Variants in ABI3BP observed in about 807,000 individuals in gnomAD.
ABI3BP encodes target of Nesh-SH3.
In ABI3BP, 216 loss-of-function variants were observed where a neutral mutation model predicts 268.6. The observed-to-expected ratio is 0.80, with a 90% CI of 0.72 to 0.90. ABI3BP has a LOEUF of 0.90. ABI3BP is among the 40% of genes least tolerant of loss of function. The pLI, the probability that ABI3BP is intolerant of heterozygous loss-of-function variation, is 0.00. For missense variants in ABI3BP, 2,090 were observed against 2,182.4 expected, an observed-to-expected ratio of 0.96 and a Z score of 0.84; for synonymous variants, 730 against 730.0, an observed-to-expected ratio of 1.00 and a Z score of 0.00.
At position 100,851,809 on chromosome 3, in the gene ABI3BP, AAAGG is replaced by A. The variant is rs2098842368; in HGVS notation, c.1351+62_1351+65del. ...TACAATTTTCCACTCTGCAAAAACT[AAAGG>A]AAGAACCACCAAGTGTTGGAACACC... On this transcript the variant is annotated intron_variant, in intron 15 of 67. Transcript: ENST00000471714. 6 of 1,382,070 alleles carry A rather than the reference AAAGG, an allele frequency of 4.3e-6. No individual in the cohort carries two copies. In the East Asian group the frequency reaches 7.3e-5, roughly 17 times the overall value. The allele number at this position is 1,382,070 out of a possible 1,614,324, so 85.6% of individuals were successfully genotyped here. A position where few individuals can be genotyped will look rare whatever the true frequency, so the allele number is the denominator to read the frequency against.
chr3:100,847,511 A>C, intron 19 of ABI3BP, 91 bp downstream of exon 19: 1 of 1,097,000 alleles, frequency 9.1e-7, no homozygotes, highest in Non-Finnish European at 1.4e-6. Flanking sequence ...TGAGTATCTT[A>C]ACAGGTAACA....
chr3:100,935,960 A>C (rs1318857788), intron 1 of ABI3BP, among the ~76,000 whole-genome samples: 1 of 151,926 alleles, frequency 6.6e-6, no homozygotes, highest in East Asian at 1.9e-4. Flanking sequence ...GTACTTGAGT[A>C]CCCTTTATTT....
chr3:100,886,241 C>A lies in ABI3BP; in HGVS notation c.544G>T (p.Glu182Ter). 1.9e-6 allele frequency: 3 copies of A among 1,611,202 alleles called. No individual in the cohort carries two copies. The highest frequency in any genetic ancestry group is 1.7e-6 in the Non-Finnish European group (2 of 1,178,366). The part of the protein sequence containing the change: ...QICPATETIV[E>*]NLKPNTVYEF... ...TAAACTGTGTTGGGCTTTAGGTTTT[C>A]CACAATTGTTTCAGTGGCTGGACAG... Residue 182 changes from glutamate to a stop codon, truncating the protein, a stop_gained, in exon 5 of 68, where the codon GAA becomes TAA. Transcript: ENST00000471714. LOFTEE classifies it high-confidence loss of function.
At chr3:100,972,636 T>C (rs1306291905) in intron 1 of ABI3BP, among the ~76,000 whole-genome samples, 1 of 152,228 alleles carries the variant, frequency 6.6e-6, no homozygotes, top group Non-Finnish European at 1.5e-5. Context: ...AGTACTGAGA[T>C]TGATTCATTT....
At chr3:100,835,217 C>G (rs1195501374) in intron 28 of ABI3BP, among the ~76,000 whole-genome samples, 1 of 152,146 alleles carries the variant, frequency 6.6e-6, no homozygotes, top group Non-Finnish European at 1.5e-5. Flanking sequence ...TAAAAATTCT[C>G]TGTATATCTT....
At chr3:100,824,318 C>A (rs1339061125) in intron 36 of ABI3BP, among the ~76,000 whole-genome samples, 1 of 152,182 alleles carries the variant, frequency 6.6e-6, no homozygotes, top group Non-Finnish European at 1.5e-5. Context: ...ATTCTTCCCT[C>A]CATTCATCCA....
In ABI3BP at chr3:100,816,776, A is replaced by G. The variant is rs1157418401; in HGVS notation, c.3149-8T>C. 5.2e-6 allele frequency: 8 copies of G among 1,535,614 alleles called. No individual in the cohort carries two copies. The Admixed American group carries it at 1.6e-4, about 30-fold the overall frequency. ...TCCGTTGTGTTTTAGGAGCTGAAGG[A>G]AGAAACTTTGGATTACTCTAGTGCA... On this transcript the variant is annotated splice_region_variant and splice_polypyrimidine_tract_variant and intron_variant, in intron 42 of 67. Coordinates refer to ENST00000471714, the MANE Select transcript of ABI3BP (RefSeq NM_001375547.2).
At position 100,813,627 on chromosome 3, in the gene ABI3BP, C is replaced by G. The variant is rs1184328768; in HGVS notation, c.3364+34G>C. 3 of 1,484,624 alleles carry G rather than the reference C, an allele frequency of 2.0e-6. No individual in the cohort carries two copies. In the African/African-American group the frequency reaches 4.2e-5, roughly 21 times the overall value. 92.0% of individuals were successfully genotyped at this position (1,484,624 alleles called of 1,614,324 possible). On this transcript the variant is annotated intron_variant, in intron 45 of 67. Coordinates refer to ENST00000471714, the MANE Select transcript of ABI3BP (RefSeq NM_001375547.2). ...ATTACAGTATGCCTCTTAAAGCACA[C>G]AGTATACCCAGACAGATAAAACAAT...
intron 2 of ABI3BP, among the ~76,000 whole-genome samples, chr3:100,907,220 C>T (rs1182366474): frequency 6.6e-6 from 1 of 152,154 alleles, no homozygotes; most frequent in African/African-American, 2.4e-5. Flanking sequence ...AAAGGCCAGG[C>T]ATGGTGGCTC....
At chr3:100,895,475 G>A (rs887269592) in intron 4 of ABI3BP, among the ~76,000 whole-genome samples, 1 of 152,144 alleles carries the variant, frequency 6.6e-6, no homozygotes, top group African/African-American at 2.4e-5. Flanking sequence ...AAAGTCCATA[G>A]TCAAAATATA....
At chr3:100,753,589 T>C (rs2095457429) in intron 65 of ABI3BP, among the ~76,000 whole-genome samples, 1 of 152,108 alleles carries the variant, frequency 6.6e-6, no homozygotes, top group South Asian at 2.1e-4. Context: ...TATTAAACAG[T>C]AATAAGCCTG....
rs554117625 is a variant in ABI3BP, at chr3:100,992,103, GA to G, written c.79+1202del. Among the ~76,000 whole-genome samples, 327 of 152,238 alleles carry G rather than the reference GA, an allele frequency of 2.1e-3. 1 individual carries two copies. Among genetic ancestry groups the G allele is most frequent in the African/African-American group, 7.4e-3 (308 of 41,552 alleles). On this transcript the variant is annotated intron_variant, in intron 1 of 67. Coordinates refer to ENST00000471714, the MANE Select transcript of ABI3BP (RefSeq NM_001375547.2). The stretch of plus-strand genomic sequence containing the variant: ...TGATCAAGGAGCAAAACTCTTGGTA[GA>G]AAAAGATCTAAGAGTGCTTGTTTTT...
At position 100,825,863 on chromosome 3, in the gene ABI3BP, CAA is replaced by C; in HGVS notation, c.2603-21_2603-20del. 1 of 1,516,206 alleles carries C rather than the reference CAA, an allele frequency of 6.6e-7. No homozygotes were observed. The highest frequency in any genetic ancestry group is 8.9e-7 in the Non-Finnish European group (1 of 1,129,024). 93.9% of individuals were successfully genotyped at this position (1,516,206 alleles called of 1,614,324 possible). On this transcript the variant is annotated intron_variant, in intron 34 of 67. Transcript: ENST00000471714. ...ACAGGAACTGAAGTAATAAGATAAA[CAA>C]AAGAGATGGTAAAAAATGTGTGGGA...
chr3:100,986,614 C>T (rs1416088613), intron 1 of ABI3BP, among the ~76,000 whole-genome samples: 1 of 152,026 alleles, frequency 6.6e-6, no homozygotes. Context: ...TTACAGGTAC[C>T]TGTCATTACA....
chr3:100,827,545 A>G (rs2098410684), intron 34 of ABI3BP, among the ~76,000 whole-genome samples: 1 of 152,148 alleles, frequency 6.6e-6, no homozygotes, highest in African/African-American at 2.4e-5. Flanking sequence ...GTTATTTTAA[A>G]TCTTATGCTT....
At chr3:100,846,129 G>A (rs908937631) in intron 20 of ABI3BP, among the ~76,000 whole-genome samples, 17 of 152,212 alleles carry the variant, frequency 1.1e-4, no homozygotes, top group South Asian at 4.1e-4. Context: ...AAGGGAGTTC[G>A]CAATCATTCA....
Position 100,874,869 on chromosome 3 carries a change from C to T in ABI3BP, c.882G>A (p.Glu294=), listed in dbSNP as rs373454769. The T allele has an allele frequency of 5.6e-6, 9 of 1,598,998 alleles. No homozygotes were observed. The East Asian group carries it at 9.0e-5, about 16-fold the overall frequency. Residue 294 remains glutamate (E), a synonymous_variant, in exon 9 of 68, where the codon GAG becomes GAA. Transcript: ENST00000471714. ...TVKLPASLMF[E]ISDALKTQLA... The stretch of plus-strand genomic sequence containing the variant: ...ATTGTGTCTTGAGTGCATCTGAAAT[C>T]TCAAACATTAGGGATGCAGGAAGTT...
At chr3:100,792,135 G>A (rs1291672071) in intron 55 of ABI3BP, among the ~76,000 whole-genome samples, 1 of 151,830 alleles carries the variant, frequency 6.6e-6, no homozygotes, top group African/African-American at 2.4e-5. Context: ...GTGTAGGCGA[G>A]TTCACTTCCC....
intron 1 of ABI3BP, among the ~76,000 whole-genome samples, chr3:100,928,114 G>A (rs2062422170): frequency 6.6e-6 from 1 of 151,832 alleles, no homozygotes; most frequent in Non-Finnish European, 1.5e-5. Flanking sequence ...CCCCATTGAG[G>A]AAGTTATGTA....
Sources: allele counts gnomAD v4.1 joint callset (sites outside exome capture counted in the v4.1 genomes callset), GRCh38; gene constraint gnomAD v4.1.1; transcripts MANE v1.5; gene names NCBI Gene and HGNC (gene_info 2026-07-23, HGNC 2026-07-21).